PTPN13: variants seen among roughly 807,000 people sequenced by gnomAD.
PTPN13 encodes tyrosine-protein phosphatase non-receptor type 13.
A neutral mutation model predicts 284.0 loss-of-function variants in PTPN13; 191 were observed. That is an observed-to-expected ratio of 0.67 (90% CI 0.60 to 0.76). The LOEUF is 0.76. Among genes scored for constraint, PTPN13 ranks in the 30% least tolerant of loss-of-function variants. The probability of loss-of-function intolerance (pLI) is 0.00; values close to 1 mark genes in which losing one functional copy is unlikely to be tolerated. For missense variants in PTPN13, 2,797 were observed against 2,939.9 expected (o/e 0.95, Z 1.12); for synonymous variants, 986 against 1,022.3 (o/e 0.96, Z 0.68).
At chr4:86,718,827 A>G (rs1733322736) in intron 9 of PTPN13, among the ~76,000 whole-genome samples, 1 of 152,000 alleles carries the variant, frequency 6.6e-6, no homozygotes, top group South Asian at 2.1e-4. Flanking sequence ...TTTTTCTTTG[A>G]GGAAAACTCC....
intron 3 of PTPN13, 66 bp downstream of exon 3, chr4:86,672,609 G>A: frequency 7.8e-7 from 1 of 1,279,434 alleles, no homozygotes; most frequent in Non-Finnish European, 1.1e-6. Flanking sequence ...AAGACAATGG[G>A]CTACCATGTT....
Position 86,709,448 on chromosome 4 carries a change from G to A in PTPN13, c.1196-7082G>A, listed in dbSNP as rs936705464. ...TCAGTAAGTGTTTGTTAATATAAAT[G>A]GAGTATTACAATGTGGCTATTAAAG... On this transcript the variant is annotated intron_variant, in intron 7 of 47. Transcript: ENST00000411767. Among the ~76,000 whole-genome samples the A allele has an allele frequency of 2.6e-5, 4 of 152,194 alleles. 1 individual carries two copies. Among genetic ancestry groups the A allele is most frequent in the African/African-American group, 9.6e-5 (4 of 41,530 alleles).
chr4:86,705,095 G>T (rs1362508861), intron 7 of PTPN13, among the ~76,000 whole-genome samples: 2 of 152,098 alleles, frequency 1.3e-5, no homozygotes, highest in Non-Finnish European at 2.9e-5. Flanking sequence ...CAGCACTTTG[G>T]GAGGCCAGGG....
At position 86,797,358 on chromosome 4, in the gene PTPN13, GAC is replaced by G. The variant is rs1291269397; in HGVS notation, c.6401+433_6401+434del. 3.3e-5 allele frequency among the ~76,000 whole-genome samples: 5 copies of G among 152,092 alleles called. No homozygotes were observed. In the South Asian group the frequency reaches 1.0e-3, roughly 32 times the overall value. ...AATATAAAAATTAGCTGGGTGTGGTGACACATGCCTGTAATCCCAGCTACTCA... is the reference window on the plus strand; with the variant it reads ...AATATAAAAATTAGCTGGGTGTGGTGACATGCCTGTAATCCCAGCTACTCA... On this transcript the variant is annotated intron_variant, in intron 41 of 47. Transcript: ENST00000411767.
intron 2 of PTPN13, among the ~76,000 whole-genome samples, chr4:86,636,416 T>A (rs2148727620): frequency 6.6e-6 from 1 of 152,236 alleles, no homozygotes; most frequent in Middle Eastern, 3.4e-3. Flanking sequence ...GACCAAAACT[T>A]ACTTAGAATA....
At chr4:86,800,237 C>G (rs770548532) in intron 42 of PTPN13, among the ~76,000 whole-genome samples, 1 of 152,036 alleles carries the variant, frequency 6.6e-6, no homozygotes, top group African/African-American at 2.4e-5. Context: ...ATTACTGAGC[C>G]AATGGAGAAA....
rs529044893 is a variant in PTPN13, at chr4:86,683,015, G to C, written c.295-3695G>C. Among the ~76,000 whole-genome samples the C allele has an allele frequency of 7.9e-5, 12 of 152,250 alleles. No individual in the cohort carries two copies. The South Asian group carries it at 2.5e-3, about 32-fold the overall frequency. On this transcript the variant is annotated intron_variant, in intron 3 of 47. Transcript: ENST00000411767. ...TATGATTTAAAATATTACTAAAAGTGTGGAACCCATATAAAGTACTGTCCT... is the reference window on the plus strand; with the variant it reads ...TATGATTTAAAATATTACTAAAAGTCTGGAACCCATATAAAGTACTGTCCT...
rs1259934096 is a variant in PTPN13 at position 86,784,463 on chromosome 4, A to T, written c.6025-2A>T. On this transcript the variant is annotated splice_acceptor_variant, in intron 37 of 47. Transcript: ENST00000411767. LOFTEE classifies it high-confidence loss of function. Reference sequence around the variant, plus strand: ...ATGATTTGCTTTGGTTTTATGCTTTAGGTTGCTGGGGAAGAAATAAATGAA... The same window carrying T: ...ATGATTTGCTTTGGTTTTATGCTTTTGGTTGCTGGGGAAGAAATAAATGAA... 1 of 1,599,284 alleles carries T rather than the reference A, an allele frequency of 6.3e-7. No individual in the cohort carries two copies. The highest frequency in any genetic ancestry group is 8.5e-7 in the Non-Finnish European group (1 of 1,172,684).
chr4:86,763,367 G>T (rs1382212347), intron 24 of PTPN13, among the ~76,000 whole-genome samples, 177 bp downstream of exon 24: 1 of 152,098 alleles, frequency 6.6e-6, no homozygotes, highest in African/African-American at 2.4e-5. Context: ...CAACAGCTTT[G>T]GATAATAACT....
chr4:86,785,989 G>T (rs1741866436), intron 40 of PTPN13, 53 bp downstream of exon 40: 1 of 991,756 alleles, frequency 1.0e-6, no homozygotes, highest in Non-Finnish European at 1.4e-6. Flanking sequence ...ACAATTATGG[G>T]TTTAACCCAG....
chr4:86,711,352 T>C (rs983848805), intron 7 of PTPN13, among the ~76,000 whole-genome samples: 2 of 152,064 alleles, frequency 1.3e-5, no homozygotes, highest in African/African-American at 4.8e-5. Context: ...TTAGTCCTTA[T>C]TGTTTTCATT....
intron 41 of PTPN13, among the ~76,000 whole-genome samples, chr4:86,798,481 G>A (rs570964234): frequency 5.3e-5 from 8 of 152,180 alleles, no homozygotes; most frequent in Admixed American, 1.3e-4. Context: ...AGTTAAAAAC[G>A]TATTCAGGCT....
chr4:86,803,657 T>G, intron 42 of PTPN13, 52 bp from the exon 43 acceptor site: 1 of 1,575,010 alleles, frequency 6.3e-7, no homozygotes, highest in South Asian at 1.1e-5. Flanking sequence ...TTAGTTCACT[T>G]AGTTAAATTG....
At chr4:86,793,485 A>C (rs1565594485) in intron 40 of PTPN13, among the ~76,000 whole-genome samples, 1 of 152,128 alleles carries the variant, frequency 6.6e-6, no homozygotes, top group Non-Finnish European at 1.5e-5. Flanking sequence ...ACTTGAATTC[A>C]CCTCTGTACC....
rs772350639 is a variant in PTPN13 at position 86,775,339 on chromosome 4, T to A, written c.5677T>A (p.Leu1893Met). ...AACACTAACGTGCAACAAAGAGGAG[T>A]TGGGTAATGAAAAGTCAAACTTTGT... is the stretch of plus-strand genomic sequence containing the variant. ...DITLTCNKEE[L>M]GFSLCGGHDS... The change falls in exon 34 of 48, where the codon TTG becomes ATG. Residue 1893 changes from leucine (L) to methionine (M), a missense_variant. Leu to Met is a conservative substitution (Grantham distance 15). Coordinates refer to ENST00000411767, the MANE Select transcript of PTPN13 (RefSeq NM_080683.3). 5.1e-5 allele frequency: 82 copies of A among 1,610,798 alleles called. No homozygotes were observed. Among genetic ancestry groups the A allele is most frequent in the Non-Finnish European group, 6.7e-5 (79 of 1,178,612 alleles).
chr4:86,722,177 T>A (rs746107138), intron 9 of PTPN13, 35 bp from the exon 10 acceptor site: 2 of 1,547,456 alleles, frequency 1.3e-6, no homozygotes, highest in Admixed American at 1.7e-5. Flanking sequence ...ATTGTTTTCC[T>A]CCCAATCCTC....
chr4:86,673,017 C>T (rs1215041640), intron 3 of PTPN13, among the ~76,000 whole-genome samples: 1 of 152,178 alleles, frequency 6.6e-6, no homozygotes, highest in Non-Finnish European at 1.5e-5. Context: ...AGCATGCAGC[C>T]TCAGTCCCTC....
Position 86,784,571 on chromosome 4 carries a change from A to T in PTPN13, c.6118+13A>T. 1 of 1,555,294 alleles carries T rather than the reference A, an allele frequency of 6.4e-7. No homozygotes were observed. Among genetic ancestry groups the T allele is most frequent in the East Asian group, 2.3e-5 (1 of 44,164 alleles). ...ACTCTGCCCAAAGGTAGTTTTCCAA[A>T]TCAGTCATCTAATTACTCTAAATGC... On this transcript the variant is annotated intron_variant, in intron 38 of 47. Coordinates refer to ENST00000411767, the MANE Select transcript of PTPN13 (RefSeq NM_080683.3).
At chr4:86,622,889 T>A (rs1721416102) in intron 1 of PTPN13, among the ~76,000 whole-genome samples, 1 of 152,156 alleles carries the variant, frequency 6.6e-6, no homozygotes, top group Non-Finnish European at 1.5e-5. Context: ...ATTGCAAACA[T>A]AACATACAAA....
Sources: allele counts gnomAD v4.1 joint callset (sites outside exome capture counted in the v4.1 genomes callset), GRCh38; gene constraint gnomAD v4.1.1; transcripts MANE v1.5; gene names NCBI Gene and HGNC (gene_info 2026-07-23, HGNC 2026-07-21).